CHLSN: variants seen among roughly 807,000 people sequenced by gnomAD.
The protein encoded by CHLSN is cholesin.
the CHLSN span, among the ~76,000 whole-genome samples, chr7:1,031,220 C>A: frequency 6.6e-6 from 1 of 152,208 alleles, no homozygotes; most frequent in African/African-American, 2.4e-5. Context: ...GACAAAGATG[C>A]GTGCCCATTG....
chr7:1,058,636 G>T, the CHLSN span: 1 of 615,162 alleles, frequency 1.6e-6, no homozygotes, highest in Admixed American at 3.0e-5. Flanking sequence ...CAGGAGGGGT[G>T]TTTTTCTTGA....
chr7:1,125,924 T>C, the CHLSN span, among the ~76,000 whole-genome samples: 1 of 152,208 alleles, frequency 6.6e-6, no homozygotes, highest in Non-Finnish European at 1.5e-5. Flanking sequence ...CTCCTAATGG[T>C]AAACACAGCT....
the CHLSN span, among the ~76,000 whole-genome samples, chr7:982,311 C>A: frequency 6.6e-6 from 1 of 152,202 alleles, no homozygotes; most frequent in Non-Finnish European, 1.5e-5. Context: ...CTCGGCTCTG[C>A]GGTTCGTACA....
chr7:1,042,842 G>A, the CHLSN span, among the ~76,000 whole-genome samples: 1 of 152,174 alleles, frequency 6.6e-6, no homozygotes, highest in Non-Finnish European at 1.5e-5. Context: ...GGGCTGCTAG[G>A]AGGGCCCAAA....
the CHLSN span, among the ~76,000 whole-genome samples, chr7:995,080 C>T: frequency 1.3e-5 from 2 of 152,246 alleles, no homozygotes; most frequent in Non-Finnish European, 2.9e-5. Context: ...TCAGGAGTCC[C>T]GCACAAGCGC....
the CHLSN span, among the ~76,000 whole-genome samples, chr7:994,837 T>C: frequency 6.6e-6 from 1 of 152,270 alleles, no homozygotes; most frequent in African/African-American, 2.4e-5. Context: ...AGATGTGCTT[T>C]GTCACAGCCC....
At chr7:1,111,183 A>G in the CHLSN span, among the ~76,000 whole-genome samples, 1 of 152,258 alleles carries the variant, frequency 6.6e-6, no homozygotes, top group African/African-American at 2.4e-5. Context: ...GGCACCAGAT[A>G]TAACATGTCT....
chr7:978,682 G>C, the CHLSN span, among the ~76,000 whole-genome samples: 3 of 152,218 alleles, frequency 2.0e-5, no homozygotes, highest in Non-Finnish European at 2.9e-5. Context: ...CAGCTAAGTA[G>C]GTCTTATTAT....
the CHLSN span, among the ~76,000 whole-genome samples, chr7:1,023,257 T>C: frequency 6.6e-6 from 1 of 152,110 alleles, no homozygotes; most frequent in Non-Finnish European, 1.5e-5. The surrounding 1 kb of genome is among the most constrained non-coding windows in gnomAD (Gnocchi z 5.0). Context: ...TGAGCGCAAG[T>C]GATGTGTGAG....
chr7:1,070,828 CATAT>C, the CHLSN span, among the ~76,000 whole-genome samples: 3 of 143,292 alleles, frequency 2.1e-5, no homozygotes, highest in African/African-American at 8.7e-5. Flanking sequence ...CACGTGCACA[CATAT>C]ACACACAACG....
chr7:1,088,561 C>T, the CHLSN span, among the ~76,000 whole-genome samples: 1 of 152,154 alleles, frequency 6.6e-6, no homozygotes, highest in African/African-American at 2.4e-5. The surrounding 1 kb of genome is among the most constrained non-coding windows in gnomAD (Gnocchi z 4.5). Context: ...CTAACTCGTG[C>T]TGAAAGCAGG....
At chr7:983,183 G>T in the CHLSN span, 13 of 1,456,410 alleles carry the variant, frequency 8.9e-6, no homozygotes, top group Non-Finnish European at 1.2e-5. Context: ...GGCCCAGGAG[G>T]GGAGTGGAGC....
the CHLSN span, among the ~76,000 whole-genome samples, chr7:1,136,238 AATAT>A: frequency 7.9e-5 from 9 of 113,320 alleles, no homozygotes; most frequent in African/African-American, 1.9e-4. Flanking sequence ...AAATATATAA[AATAT>A]ATATAAATAT....
chr7:1,051,485 G>A, the CHLSN span, among the ~76,000 whole-genome samples: 8 of 152,324 alleles, frequency 5.3e-5, no homozygotes, highest in African/African-American at 1.7e-4. Flanking sequence ...ACACTCTCCC[G>A]ATTCCGCTGG....
At chr7:1,083,659 C>G in the CHLSN span, among the ~76,000 whole-genome samples, 1 of 151,000 alleles carries the variant, frequency 6.6e-6, no homozygotes, top group African/African-American at 2.4e-5. Context: ...AAAAAAAACA[C>G]GAGAGTGTGG....
At chr7:1,113,451 G>A in the CHLSN span, among the ~76,000 whole-genome samples, 2 of 152,100 alleles carry the variant, frequency 1.3e-5, no homozygotes, top group African/African-American at 2.4e-5. Context: ...GCAGGTGTGC[G>A]ACCCACATGG....
the CHLSN span, among the ~76,000 whole-genome samples, chr7:1,042,609 G>A: frequency 6.6e-6 from 1 of 152,210 alleles, no homozygotes; most frequent in Non-Finnish European, 1.5e-5. Flanking sequence ...TGGCCTGCTT[G>A]GCACAGGAAG....
the CHLSN span, among the ~76,000 whole-genome samples, chr7:1,123,727 C>T: frequency 4.6e-5 from 7 of 152,088 alleles, no homozygotes; most frequent in Non-Finnish European, 8.8e-5. The surrounding 1 kb of genome is among the most constrained non-coding windows in gnomAD (Gnocchi z 4.4). Context: ...GCCCCTGAGC[C>T]CCCACACTCC....
the CHLSN span, among the ~76,000 whole-genome samples, chr7:1,007,247 G>A: frequency 2.0e-4 from 30 of 152,340 alleles, no homozygotes; most frequent in Admixed American, 6.5e-4. Context: ...GGAACCCCTC[G>A]TGGAAAGCCC....
Sources: gnomAD v4.1 joint callset for allele counts (sites outside exome capture counted in the v4.1 genomes callset) on GRCh38, gnomAD v4.1.1 for gene constraint, Gnocchi (gnomAD v3.1) non-coding constraint, MANE v1.5 for transcripts, NCBI Gene and HGNC (gene_info 2026-07-23, HGNC 2026-07-21) for gene names.